The following CSMD1 variants were observed in gnomAD, a reference collection of about 807,000 sequenced individuals.
CSMD1 encodes the protein CUB and sushi domain-containing protein 1.
In CSMD1, 213 loss-of-function variants were observed where a neutral mutation model predicts 417.5. The observed-to-expected ratio is 0.51, with a 90% confidence interval of 0.46 to 0.57. CSMD1 has a LOEUF of 0.57. Among genes scored for constraint, CSMD1 ranks in the 20% least tolerant of loss-of-function variants. The pLI is 0.00. For synonymous variants in CSMD1, 2,862 were observed against 1,736.8 expected, an observed-to-expected ratio of 1.65 and a Z score of -16.11; for missense variants, 6,923 against 4,529.7, an observed-to-expected ratio of 1.53 and a Z score of -15.17.
chr8:3,087,417 G>T, intron 48 of CSMD1, 132 bp from the exon 49 acceptor site: 1 of 928,520 alleles, frequency 1.1e-6, no homozygotes, highest in Non-Finnish European at 1.6e-6. Flanking sequence ...CAGTATGTAA[G>T]TTTGTTCTAA....
intron 3 of CSMD1, among the ~76,000 whole-genome samples, chr8:4,282,107 A>G (rs980679756): frequency 2.0e-5 from 3 of 152,208 alleles, no homozygotes; most frequent in Non-Finnish European, 4.4e-5. Context: ...ATCCAAGAGT[A>G]TTTTTAATTA....
intron 37 of CSMD1, among the ~76,000 whole-genome samples, chr8:3,172,801 T>G (rs1820664641): frequency 6.6e-6 from 1 of 152,194 alleles, no homozygotes; most frequent in Non-Finnish European, 1.5e-5. Flanking sequence ...CAATGGCAAT[T>G]GTCAGTTTCC....
chr8:3,827,761 T>G (rs1398797591), intron 5 of CSMD1, among the ~76,000 whole-genome samples: 1 of 152,174 alleles, frequency 6.6e-6, no homozygotes, highest in African/African-American at 2.4e-5. Context: ...TAATGAATAG[T>G]TGATTGGGAA....
At chr8:4,879,212 C>G (rs750054703) in intron 1 of CSMD1, among the ~76,000 whole-genome samples, 1 of 151,840 alleles carries the variant, frequency 6.6e-6, no homozygotes, top group African/African-American at 2.4e-5. Context: ...ATGGCTGCAG[C>G]GTTTCATGAA....
At chr8:3,518,799 A>T (rs1004091007) in intron 10 of CSMD1, among the ~76,000 whole-genome samples, 4 of 152,168 alleles carry the variant, frequency 2.6e-5, no homozygotes, top group Non-Finnish European at 4.4e-5. Flanking sequence ...ATGGAACTAG[A>T]CACCATGCAA....
At chr8:3,773,644 A>T (rs1798739701) in intron 5 of CSMD1, among the ~76,000 whole-genome samples, 1 of 152,116 alleles carries the variant, frequency 6.6e-6, no homozygotes, top group African/African-American at 2.4e-5. Flanking sequence ...TGGCAGTTTT[A>T]TTCAATTTTG....
intron 5 of CSMD1, among the ~76,000 whole-genome samples, chr8:3,814,492 G>A (rs909820137): frequency 3.9e-5 from 6 of 152,246 alleles, no homozygotes; most frequent in East Asian, 1.9e-4. Flanking sequence ...AACTGTGGCC[G>A]AATTCATCCT....
At chr8:4,682,710 T>C (rs1037464468) in intron 1 of CSMD1, among the ~76,000 whole-genome samples, 5 of 151,808 alleles carry the variant, frequency 3.3e-5, no homozygotes, top group African/African-American at 1.2e-4. Context: ...GATACTCTAA[T>C]TCTATATTAT....
At chr8:4,158,055 T>TA (rs1449806236) in intron 3 of CSMD1, among the ~76,000 whole-genome samples, 1 of 150,420 alleles carries the variant, frequency 6.6e-6, no homozygotes, top group East Asian at 2.0e-4. Context: ...CTGCTACCCC[T>TA]ACCCCTGCTT....
At chr8:4,754,982 C>G (rs571852399) in intron 1 of CSMD1, among the ~76,000 whole-genome samples, 2 of 151,976 alleles carry the variant, frequency 1.3e-5, no homozygotes, top group South Asian at 4.2e-4. Context: ...ACTAAAAACA[C>G]AAAAAATCAG....
At chr8:4,262,739 A>G (rs1255392548) in intron 3 of CSMD1, among the ~76,000 whole-genome samples, 1 of 152,140 alleles carries the variant, frequency 6.6e-6, no homozygotes, top group African/African-American at 2.4e-5. Flanking sequence ...TTTGGCCCTG[A>G]GGTTTTTCTT....
At chr8:3,306,452 C>T (rs1804854792) in intron 25 of CSMD1, among the ~76,000 whole-genome samples, 2 of 152,146 alleles carry the variant, frequency 1.3e-5, no homozygotes, top group South Asian at 2.1e-4. Context: ...AGGCATGAGC[C>T]ACTGTGCCCA....
intron 3 of CSMD1, among the ~76,000 whole-genome samples, chr8:4,343,822 C>G (rs1318294364): frequency 6.6e-6 from 1 of 152,128 alleles, no homozygotes; most frequent in East Asian, 1.9e-4. Flanking sequence ...TGATGAGACA[C>G]TACCACTTCA....
At chr8:3,032,188 G>C (rs1810385699) in intron 50 of CSMD1, among the ~76,000 whole-genome samples, 1 of 151,792 alleles carries the variant, frequency 6.6e-6, no homozygotes, top group African/African-American at 2.4e-5. Flanking sequence ...TGGAAGAGTG[G>C]AGATTTCCAG....
At chr8:4,026,542 G>A (rs1425938688) in intron 4 of CSMD1, among the ~76,000 whole-genome samples, 1 of 152,126 alleles carries the variant, frequency 6.6e-6, no homozygotes, top group Non-Finnish European at 1.5e-5. Context: ...AAACAATGAA[G>A]GAAAATACTC....
At chr8:4,147,015 G>A (rs1007103016) in intron 3 of CSMD1, among the ~76,000 whole-genome samples, 33 of 152,036 alleles carry the variant, frequency 2.2e-4, no homozygotes, top group African/African-American at 5.8e-4. Flanking sequence ...TCAGAGGCCA[G>A]GAGAGTCAGA....
intron 12 of CSMD1, among the ~76,000 whole-genome samples, chr8:3,463,839 T>C (rs568766370): frequency 6.6e-6 from 1 of 152,270 alleles, no homozygotes; most frequent in African/African-American, 2.4e-5. Context: ...TTTTGAACCA[T>C]CTCCTACATT....
intron 5 of CSMD1, among the ~76,000 whole-genome samples, chr8:3,936,044 GT>G (rs1810468799): frequency 6.6e-6 from 1 of 152,174 alleles, no homozygotes; most frequent in Non-Finnish European, 1.5e-5. Flanking sequence ...TATGGAGAAA[GT>G]TTAGAGTGTC....
chr8:2,985,943 AG>A (rs1287146752), intron 54 of CSMD1, among the ~76,000 whole-genome samples: 3 of 99,854 alleles, frequency 3.0e-5, no homozygotes, highest in South Asian at 7.9e-4. Context: ...AGGGAAGGGA[AG>A]GGGAAGGGGA....
Sources: allele counts gnomAD v4.1 joint callset (sites outside exome capture counted in the v4.1 genomes callset), GRCh38; gene constraint gnomAD v4.1.1; transcripts MANE v1.5; gene names NCBI Gene and HGNC (gene_info 2026-07-23, HGNC 2026-07-21).